Variants in CMSS1 observed in about 807,000 individuals in gnomAD.
CMSS1 encodes the protein cms1 ribosomal small subunit homolog, also known as protein CMSS1.
A neutral mutation model predicts 43.5 loss-of-function variants in CMSS1; 33 were observed. The observed-to-expected ratio is 0.76, with a 90% CI of 0.57 to 1.01. The LOEUF (loss-of-function observed/expected upper bound fraction) is 1.01, where lower values mean the gene tolerates loss of function less well. CMSS1 is among the 50% of genes least tolerant of loss of function. The probability of loss-of-function intolerance (pLI) is 0.00; values close to 1 mark genes in which losing one functional copy is unlikely to be tolerated. For missense variants in CMSS1, 313 were observed against 326.4 expected, an observed-to-expected ratio of 0.96 and a Z score of 0.32; for synonymous variants, 115 against 117.2, an observed-to-expected ratio of 0.98 and a Z score of 0.12.
At chr3:100,116,400 T>G (rs2066569817) in intron 1 of CMSS1, among the ~76,000 whole-genome samples, 1 of 152,182 alleles carries the variant, frequency 6.6e-6, no homozygotes, top group African/African-American at 2.4e-5. Context: ...TCAAATGATC[T>G]CAGATGTGGT....
chr3:99,944,215 C>A (rs561013010), intron 1 of CMSS1, among the ~76,000 whole-genome samples: 1 of 152,138 alleles, frequency 6.6e-6, no homozygotes, highest in Non-Finnish European at 1.5e-5. Context: ...TTGTGCCTAA[C>A]TGAGATGGAG....
At chr3:99,887,517 A>G (rs762080644) in intron 1 of CMSS1, among the ~76,000 whole-genome samples, 1 of 152,196 alleles carries the variant, frequency 6.6e-6, no homozygotes, top group Non-Finnish European at 1.5e-5. Context: ...GGCTACGAAT[A>G]GGTCTTAAAA....
chr3:99,920,256 A>C (rs1707083935), intron 1 of CMSS1, among the ~76,000 whole-genome samples: 1 of 152,222 alleles, frequency 6.6e-6, no homozygotes, highest in African/African-American at 2.4e-5. Context: ...AAAAAAAAGC[A>C]ACTCTTTTTT....
chr3:99,866,795 C>T (rs1169838686), intron 1 of CMSS1, among the ~76,000 whole-genome samples: 1 of 152,094 alleles, frequency 6.6e-6, no homozygotes, highest in Non-Finnish European at 1.5e-5. Flanking sequence ...AGAGTTTGGG[C>T]CATATGCCAT....
chr3:100,117,828 T>TATATATATATATATATATATATATAC (rs60919979), intron 1 of CMSS1, among the ~76,000 whole-genome samples: 4 of 77,338 alleles, frequency 5.2e-5, no homozygotes, highest in African/African-American at 1.9e-4. Flanking sequence ...AACTGCAGTA[T>TATATATATATATATATATATATATAC]ATATATATAT....
intron 6 of CMSS1, among the ~76,000 whole-genome samples, chr3:100,169,261 G>A (rs999136589): frequency 6.6e-5 from 10 of 152,160 alleles, no homozygotes; most frequent in Admixed American, 2.6e-4. Context: ...TTGCACATAC[G>A]TTTTCATTTA....
chr3:99,977,159 G>A (rs986890674), intron 1 of CMSS1, among the ~76,000 whole-genome samples: 6 of 152,172 alleles, frequency 3.9e-5, no homozygotes, highest in African/African-American at 1.2e-4. Flanking sequence ...GGCATGTACT[G>A]TACACAGTTC....
At chr3:99,869,693 G>T (rs1254181847) in intron 1 of CMSS1, among the ~76,000 whole-genome samples, 1 of 152,158 alleles carries the variant, frequency 6.6e-6, no homozygotes, top group East Asian at 1.9e-4. Context: ...AGACACTTAA[G>T]TCTTGCGAGC....
intron 1 of CMSS1, among the ~76,000 whole-genome samples, chr3:99,862,788 A>G (rs1944326248): frequency 6.6e-6 from 1 of 152,090 alleles, no homozygotes; most frequent in South Asian, 2.1e-4. Context: ...TGCTACTCAA[A>G]TGTATTTGGG....
At chr3:99,987,252 G>A (rs926644754) in intron 1 of CMSS1, among the ~76,000 whole-genome samples, 3 of 150,922 alleles carry the variant, frequency 2.0e-5, no homozygotes, top group African/African-American at 7.3e-5. Flanking sequence ...AAAAAGGCCA[G>A]GCACAGTGGC....
chr3:99,868,400 T>G (rs575163582), intron 1 of CMSS1, among the ~76,000 whole-genome samples: 4 of 152,270 alleles, frequency 2.6e-5, no homozygotes, highest in African/African-American at 9.6e-5. Context: ...ACAAAGGACC[T>G]CCTCTTTGGC....
At chr3:99,911,431 G>T (rs1340526938) in intron 1 of CMSS1, among the ~76,000 whole-genome samples, 1 of 151,688 alleles carries the variant, frequency 6.6e-6, no homozygotes, top group Non-Finnish European at 1.5e-5. Flanking sequence ...TACACTCTAG[G>T]TTCTCTAACA....
rs557573136 is a variant in CMSS1 at position 100,162,457 on chromosome 3, A to G, written c.355+25A>G. ...GGTATAGCCAAGCTTCAATTTTCCT[A>G]AAGACAAGGAGCAAAACATAAGTAT... is the stretch of plus-strand genomic sequence containing the variant. On this transcript the variant is annotated intron_variant, in intron 4 of 9. Transcript: ENST00000421999. The G allele has an allele frequency of 8.8e-6, 14 of 1,599,876 alleles. No homozygotes were observed. The East Asian group carries it at 3.1e-4, about 36-fold the overall frequency.
intron 1 of CMSS1, among the ~76,000 whole-genome samples, chr3:99,845,411 A>C (rs1943318978): frequency 6.6e-6 from 1 of 152,220 alleles, no homozygotes; most frequent in Non-Finnish European, 1.5e-5. Flanking sequence ...AAAGAATGGT[A>C]TGAGTTTTTC....
intron 1 of CMSS1, among the ~76,000 whole-genome samples, chr3:100,140,014 T>C (rs2066792403): frequency 6.6e-6 from 1 of 152,156 alleles, no homozygotes. Context: ...CTGGGTGCAG[T>C]TACACAACTG....
chr3:100,026,882 G>A (rs898876914), intron 1 of CMSS1, among the ~76,000 whole-genome samples: 9 of 151,956 alleles, frequency 5.9e-5, no homozygotes, highest in East Asian at 1.9e-4. Context: ...CAAAGTCTCC[G>A]CATCTTACTC....
At chr3:100,018,465 C>T (rs1710408786) in intron 1 of CMSS1, among the ~76,000 whole-genome samples, 1 of 152,090 alleles carries the variant, frequency 6.6e-6, no homozygotes, top group Non-Finnish European at 1.5e-5. Context: ...TCAGATGAGG[C>T]TCATTTGTGT....
At chr3:99,938,074 T>TGTGC (rs1431638787) in intron 1 of CMSS1, among the ~76,000 whole-genome samples, 301 of 85,258 alleles carry the variant, frequency 3.5e-3, no homozygotes, top group Non-Finnish European at 6.0e-3. Context: ...TGTGTGTGTG[T>TGTGC]GCGCGCGCGC....
intron 1 of CMSS1, among the ~76,000 whole-genome samples, chr3:99,903,606 A>C (rs889944394): frequency 4.2e-4 from 64 of 152,112 alleles, no homozygotes; most frequent in Admixed American, 4.2e-3. Flanking sequence ...AAAAAAAAGT[A>C]GGTTTAGAAG....
Sources: gnomAD v4.1 joint callset for allele counts (sites outside exome capture counted in the v4.1 genomes callset) on GRCh38, gnomAD v4.1.1 for gene constraint, MANE v1.5 for transcripts, NCBI Gene and HGNC (gene_info 2026-07-23, HGNC 2026-07-21) for gene names.